Variants in ELAPOR1 observed in about 807,000 individuals in gnomAD.
ELAPOR1 encodes endosome/lysosome-associated apoptosis and autophagy regulator 1.
ELAPOR1 carries 77 observed loss-of-function variants against 119.7 expected under a neutral mutation model. The observed-to-expected ratio is 0.64, with a 90% CI of 0.54 to 0.78. ELAPOR1 has a LOEUF of 0.78. Among genes scored for constraint, ELAPOR1 ranks in the 30% least tolerant of loss-of-function variants. The pLI is 0.00. For missense variants in ELAPOR1, 1,115 were observed against 1,270.4 expected, an observed-to-expected ratio of 0.88 and a Z score of 1.86; for synonymous variants, 481 against 487.2, an observed-to-expected ratio of 0.99 and a Z score of 0.17.
intron 1 of ELAPOR1, among the ~76,000 whole-genome samples, chr1:109,145,884 A>T: frequency 6.6e-6 from 1 of 152,206 alleles, no homozygotes; most frequent in East Asian, 1.9e-4. Flanking sequence ...AATGAGAAAT[A>T]GAATAGAAAT....
At chr1:109,177,591 G>C (rs2101074655) in intron 7 of ELAPOR1, among the ~76,000 whole-genome samples, 1 of 151,156 alleles carries the variant, frequency 6.6e-6, no homozygotes, top group East Asian at 2.0e-4. Flanking sequence ...AAGGCAGGCT[G>C]CTGGGAGGTG....
intron 1 of ELAPOR1, among the ~76,000 whole-genome samples, chr1:109,146,163 C>T (rs1048756866): frequency 1.3e-5 from 2 of 151,718 alleles, no homozygotes; most frequent in South Asian, 4.2e-4. Context: ...AATACACACA[C>T]AAAAAAATTA....
chr1:109,190,118 C>T (rs891462188), intron 11 of ELAPOR1, among the ~76,000 whole-genome samples: 4 of 152,030 alleles, frequency 2.6e-5, no homozygotes, highest in Non-Finnish European at 5.9e-5. Flanking sequence ...ATTTGTTTCC[C>T]ACTAAACAAA....
At chr1:109,121,269 C>A (rs1237717379) in intron 1 of ELAPOR1, among the ~76,000 whole-genome samples, 2 of 152,086 alleles carry the variant, frequency 1.3e-5, no homozygotes, top group Non-Finnish European at 2.9e-5. Context: ...GCCTCAGCCT[C>A]CCAAGTAGCT....
At chr1:109,147,580 G>A (rs529952826) in intron 1 of ELAPOR1, among the ~76,000 whole-genome samples, 10 of 152,132 alleles carry the variant, frequency 6.6e-5, no homozygotes, top group African/African-American at 1.4e-4. Context: ...GTGCAACACC[G>A]AGAGTGAACT....
intron 1 of ELAPOR1, among the ~76,000 whole-genome samples, chr1:109,123,016 C>T (rs772012090): frequency 6.6e-6 from 1 of 152,104 alleles, no homozygotes; most frequent in Non-Finnish European, 1.5e-5. Flanking sequence ...TAAACAGGAC[C>T]CCTTGTTTAG....
intron 7 of ELAPOR1, among the ~76,000 whole-genome samples, chr1:109,176,604 TTC>T (rs1416461868): frequency 7.3e-5 from 11 of 151,184 alleles, no homozygotes; most frequent in Admixed American, 4.6e-4. Flanking sequence ...TTCTTTTTTT[TTC>T]TTTTTTTTTT....
intron 2 of ELAPOR1, among the ~76,000 whole-genome samples, chr1:109,163,168 A>T (rs1207071637): frequency 6.6e-6 from 1 of 152,220 alleles, no homozygotes; most frequent in Non-Finnish European, 1.5e-5. Context: ...GTGGATGAAG[A>T]GTGACACATT....
chr1:109,131,170 G>T (rs1301666634), intron 1 of ELAPOR1, among the ~76,000 whole-genome samples: 2 of 152,104 alleles, frequency 1.3e-5, no homozygotes, highest in Non-Finnish European at 2.9e-5. Context: ...CTATGGCAGG[G>T]GCCTTGGTTC....
chr1:109,139,513 G>T (rs993009530), intron 1 of ELAPOR1, among the ~76,000 whole-genome samples: 1 of 152,070 alleles, frequency 6.6e-6, no homozygotes, highest in Non-Finnish European at 1.5e-5. Context: ...GTGCTCACTG[G>T]CCAGTGTGGT....
intron 1 of ELAPOR1, among the ~76,000 whole-genome samples, chr1:109,126,654 A>G (rs1648801736): frequency 6.6e-6 from 1 of 152,086 alleles, no homozygotes; most frequent in South Asian, 2.1e-4. Flanking sequence ...TATTTTTAGT[A>G]GAGATGGAGT....
intron 1 of ELAPOR1, among the ~76,000 whole-genome samples, chr1:109,150,426 G>C (rs911883758): frequency 5.9e-5 from 9 of 152,200 alleles, no homozygotes; most frequent in Admixed American, 5.9e-4. Flanking sequence ...GATTGAGGAC[G>C]GCCAGCAAAG....
At position 109,194,559 on chromosome 1, in the gene ELAPOR1, T is replaced by C; in HGVS notation, c.2086T>C (p.Phe696Leu). The C allele has an allele frequency of 1.2e-6, 2 of 1,613,954 alleles. No individual in the cohort carries two copies. Among genetic ancestry groups the C allele is most frequent in the South Asian group, 1.1e-5 (1 of 91,072 alleles). Reference sequence around the variant, plus strand: ...CTTCACTTCCAAAGGGCTGAAATACTTCCATCACTTTACCCTCAGTCTCTG... The same window carrying C: ...CTTCACTTCCAAAGGGCTGAAATACCTCCATCACTTTACCCTCAGTCTCTG... ...PSFTSKGLKY[F>L]HHFTLSLCGN... Residue 696 changes from phenylalanine to leucine, a missense_variant, in exon 15 of 22, where the codon TTC becomes CTC. By Grantham distance (22) the Phe-to-Leu change is conservative (BLOSUM62 0). Coordinates refer to ENST00000369939, the MANE Select transcript of ELAPOR1 (RefSeq NM_020775.5).
chr1:109,128,541 T>C (rs1178315194), intron 1 of ELAPOR1, among the ~76,000 whole-genome samples: 1 of 152,156 alleles, frequency 6.6e-6, no homozygotes, highest in Non-Finnish European at 1.5e-5. Flanking sequence ...TGAATCTTAG[T>C]GGTCATCCAG....
intron 7 of ELAPOR1, among the ~76,000 whole-genome samples, chr1:109,174,462 A>G (rs1018371530): frequency 4.1e-5 from 6 of 145,418 alleles, no homozygotes; most frequent in African/African-American, 1.5e-4. Flanking sequence ...TTCAATAAAT[A>G]TTGAGCCTCT....
At chr1:109,187,720 G>A in intron 8 of ELAPOR1, 1 of 888,732 alleles carries the variant, frequency 1.1e-6, no homozygotes, top group Non-Finnish European at 1.4e-6. Context: ...AAAGAGCAAA[G>A]AATGTACCAC....
chr1:109,129,839 T>A (rs1649037626), intron 1 of ELAPOR1, among the ~76,000 whole-genome samples: 1 of 152,218 alleles, frequency 6.6e-6, no homozygotes, highest in South Asian at 2.1e-4. Flanking sequence ...GTTATATTAG[T>A]TACCTTGGGC....
chr1:109,164,542 GT>G lies in ELAPOR1; in HGVS notation c.319del (p.Ser107HisfsTer71). 1 of 1,614,056 alleles carries G rather than the reference GT, an allele frequency of 6.2e-7. No homozygotes were observed. Among genetic ancestry groups the G allele is most frequent in the South Asian group, 1.1e-5 (1 of 91,080 alleles). Reference sequence around the variant, plus strand: ...GGGAGTTTCTGGATATGAAGGACCAGTCATGTAAGCCATGCGCTGAGGGCCG... The same window carrying G: ...GGGAGTTTCTGGATATGAAGGACCAGCATGTAAGCCATGCGCTGAGGGCCG... ...AGEFLDMKDQ[S>X]CKPCAEGRYS... On this transcript the variant is annotated frameshift_variant, in exon 3 of 22. Transcript: ENST00000369939. LOFTEE classifies it high-confidence loss of function.
intron 4 of ELAPOR1, 35 bp downstream of exon 4, chr1:109,172,048 A>T (rs759446458): frequency 6.2e-7 from 1 of 1,612,896 alleles, no homozygotes. Context: ...GTGGGAGCTA[A>T]AAAGCCTCTC....
Sources: gnomAD v4.1 joint callset for allele counts (sites outside exome capture counted in the v4.1 genomes callset) on GRCh38, gnomAD v4.1.1 for gene constraint, MANE v1.5 for transcripts, NCBI Gene and HGNC (gene_info 2026-07-23, HGNC 2026-07-21) for gene names.